The following UBA6 variants were observed in gnomAD, a reference collection of about 807,000 sequenced individuals.
UBA6 encodes ubiquitin-like modifier-activating enzyme 6.
UBA6 carries 87 observed loss-of-function variants against 148.3 expected under a neutral mutation model. The observed-to-expected ratio is 0.59, with a 90% CI of 0.49 to 0.70. The LOEUF is 0.70. UBA6 is among the 30% of genes least tolerant of loss of function. The pLI is 0.00. For missense variants in UBA6, 1,186 were observed against 1,241.2 expected (o/e 0.96, Z 0.67); for synonymous variants, 376 against 401.0 (o/e 0.94, Z 0.75).
At chr4:67,660,222 A>G (rs546662373) in intron 13 of UBA6, among the ~76,000 whole-genome samples, 1 of 152,388 alleles carries the variant, frequency 6.6e-6, no homozygotes, top group African/African-American at 2.4e-5. Flanking sequence ...AATTCAAGTC[A>G]GCTGCAGAAA....
Position 67,677,595 on chromosome 4 carries a change from A to G in UBA6, c.465+16T>C. 7.7e-7 allele frequency: 1 copy of G among 1,299,228 alleles called. No individual in the cohort carries two copies. The highest frequency in any genetic ancestry group is 1.1e-6 in the Non-Finnish European group (1 of 914,526). The allele number at this position is 1,299,228 out of a possible 1,614,324, so 80.5% of individuals were successfully genotyped here. A position where few individuals can be genotyped will look rare whatever the true frequency, so the allele number is the denominator to read the frequency against. On this transcript the variant is annotated intron_variant, in intron 6 of 32. Coordinates refer to ENST00000322244, the MANE Select transcript of UBA6 (RefSeq NM_018227.6). ...GGAACCTGTCAATAACATTTAATAC[A>G]AAATGGAGTACTAACCTGGTATTTA...
intron 2 of UBA6, among the ~76,000 whole-genome samples, chr4:67,686,584 CA>C (rs1436066463): frequency 6.6e-6 from 1 of 151,924 alleles, no homozygotes; most frequent in Non-Finnish European, 1.5e-5. Flanking sequence ...GACAGATAGA[CA>C]AAAGATGAGT....
chr4:67,692,864 T>C (rs558385155), intron 2 of UBA6, among the ~76,000 whole-genome samples: 6 of 152,294 alleles, frequency 3.9e-5, no homozygotes, highest in African/African-American at 7.2e-5. Flanking sequence ...GATTATACCA[T>C]TGAAGATGCT....
chr4:67,694,252 T>TAAAAAAA (rs1730773878), intron 2 of UBA6, among the ~76,000 whole-genome samples: 1 of 65,618 alleles, frequency 1.5e-5, no homozygotes, highest in Non-Finnish European at 3.2e-5. Flanking sequence ...AAAGAAAAAA[T>TAAAAAAA]ACAAAACTAC....
chr4:67,686,181 T>G (rs1730553665), intron 2 of UBA6, among the ~76,000 whole-genome samples: 1 of 152,168 alleles, frequency 6.6e-6, no homozygotes, highest in Admixed American at 6.5e-5. Flanking sequence ...CTCCCTATAG[T>G]TTTTACCCAC....
intron 28 of UBA6, among the ~76,000 whole-genome samples, chr4:67,626,030 T>C (rs1253945740): frequency 3.3e-5 from 5 of 151,952 alleles, no homozygotes; most frequent in Non-Finnish European, 5.9e-5. Context: ...TTAAACTGAA[T>C]TTTTAATTCC....
At position 67,621,503 on chromosome 4, in the gene UBA6, G is replaced by T. The variant is rs76900140; in HGVS notation, c.3023+1328C>A. ...TATATGTTCTAGTAGCAGGTAAATA[G>T]CTAATATACAGTACATGGGCCGGGC... is the stretch of plus-strand genomic sequence containing the variant. On this transcript the variant is annotated intron_variant, in intron 32 of 32. Coordinates refer to ENST00000322244, the MANE Select transcript of UBA6 (RefSeq NM_018227.6). 5.6e-3 allele frequency among the ~76,000 whole-genome samples: 854 copies of T among 152,276 alleles called. 11 individuals are homozygous for T. The highest frequency in any genetic ancestry group is 0.019 in the African/African-American group (805 of 41,556).
In UBA6 at chr4:67,618,979, A is replaced by G. The variant is rs1728689830; in HGVS notation, c.*18T>C. The G allele has an allele frequency of 6.2e-7, 1 of 1,610,012 alleles. No homozygotes were observed. The highest frequency in any genetic ancestry group is 1.3e-5 in the African/African-American group (1 of 74,686). On this transcript the variant is annotated 3_prime_UTR_variant, in exon 33 of 33. Coordinates refer to ENST00000322244, the MANE Select transcript of UBA6 (RefSeq NM_018227.6). ...TCCAAAATCAAGTGGTCCTGGAGTAACGTTAAGACAACTTGTATTAATCAG... is the reference window on the plus strand; with the variant it reads ...TCCAAAATCAAGTGGTCCTGGAGTAGCGTTAAGACAACTTGTATTAATCAG...
intron 12 of UBA6, 98 bp from the exon 13 acceptor site, chr4:67,662,353 T>C: frequency 7.3e-6 from 8 of 1,102,404 alleles, no homozygotes; most frequent in Non-Finnish European, 1.0e-5. Context: ...TATAAAAGAA[T>C]GTGGGATTTT....
chr4:67,663,671 C>A, intron 11 of UBA6: 4 of 496,926 alleles, frequency 8.0e-6, no homozygotes, highest in South Asian at 7.0e-5. Flanking sequence ...AAACTTTTTC[C>A]TATTACTTTA....
chr4:67,695,375 G>A (rs1250914102), intron 2 of UBA6, among the ~76,000 whole-genome samples: 1 of 152,090 alleles, frequency 6.6e-6, no homozygotes, highest in East Asian at 1.9e-4. Context: ...TAAAAATCTT[G>A]AAATAGTTGA....
intron 7 of UBA6, among the ~76,000 whole-genome samples, chr4:67,672,323 C>T (rs903352095): frequency 1.3e-5 from 2 of 152,174 alleles, no homozygotes; most frequent in Non-Finnish European, 2.9e-5. Flanking sequence ...GATATCACCA[C>T]ACATCATATA....
intron 2 of UBA6, among the ~76,000 whole-genome samples, chr4:67,686,523 T>A (rs1043978794): frequency 6.6e-6 from 1 of 152,026 alleles, no homozygotes; most frequent in African/African-American, 2.4e-5. Flanking sequence ...GGATTACATA[T>A]TAAATAAAAT....
rs1728601134 is a variant in UBA6 at position 67,615,153 on chromosome 4, G to C, written c.*3844C>G. 2 of 152,212 alleles carry C rather than the reference G, an allele frequency of 1.3e-5. No individual in the cohort carries two copies. Among genetic ancestry groups the C allele is most frequent in the Non-Finnish European group, 2.9e-5 (2 of 68,036 alleles). 9.4% of individuals were successfully genotyped at this position (152,212 alleles called of 1,614,324 possible). ...CCAGTGTTGGAGGTGAGGGCTGGTG[G>C]GAGGTGTTCGGGTTATGGGGATGGA... On this transcript the variant is annotated 3_prime_UTR_variant, in exon 33 of 33. Transcript: ENST00000322244.
intron 13 of UBA6, among the ~76,000 whole-genome samples, chr4:67,655,096 A>G (rs1362726888): frequency 6.6e-6 from 1 of 152,154 alleles, no homozygotes; most frequent in Non-Finnish European, 1.5e-5. Flanking sequence ...ATAATGGGAG[A>G]CTTTAACACC....
chr4:67,668,611 G>A lies in UBA6; in HGVS notation c.733C>T (p.Leu245=). Residue 245 remains leucine (L), a synonymous_variant, in exon 9 of 33, where the codon CTA becomes TTA. Transcript: ENST00000322244. The part of the protein sequence containing the change: ...HPHKLETGQF[L]TFREINGMTG... ...ATTCCATTAATTTCTCGAAATGTTA[G>A]GAATTGTCCTGTCTCCAGTTTGTGA... 6.2e-7 allele frequency: 1 copy of A among 1,613,078 alleles called. No individual in the cohort carries two copies. The highest frequency in any genetic ancestry group is 8.5e-7 in the Non-Finnish European group (1 of 1,179,178).
intron 9 of UBA6, among the ~76,000 whole-genome samples, chr4:67,666,085 G>T (rs922366749): frequency 6.6e-6 from 1 of 152,136 alleles, no homozygotes; most frequent in African/African-American, 2.4e-5. Context: ...CTATTCAGGA[G>T]GCCAAGGCAG....
intron 17 of UBA6, among the ~76,000 whole-genome samples, chr4:67,642,811 T>G (rs1729337966): frequency 6.6e-6 from 1 of 152,038 alleles, no homozygotes; most frequent in Non-Finnish European, 1.5e-5. Flanking sequence ...GTCATTATCT[T>G]TGGAATATAT....
chr4:67,677,478 A>G, intron 6 of UBA6, 133 bp downstream of exon 6: 1 of 454,282 alleles, frequency 2.2e-6, no homozygotes, highest in Non-Finnish European at 3.9e-6. Flanking sequence ...GTTTTATTCT[A>G]ATATGTCTTC....
Sources: allele counts gnomAD v4.1 joint callset (sites outside exome capture counted in the v4.1 genomes callset), GRCh38; gene constraint gnomAD v4.1.1; transcripts MANE v1.5; gene names NCBI Gene and HGNC (gene_info 2026-07-23, HGNC 2026-07-21).